Variants in CNTNAP2 observed in about 807,000 individuals in gnomAD.
CNTNAP2 encodes contactin associated protein 2, also known as contactin-associated protein-like 2.
A neutral mutation model predicts 155.2 loss-of-function variants in CNTNAP2; 98 were observed. The observed-to-expected ratio is 0.63, with a 90% CI of 0.54 to 0.75. CNTNAP2 has a LOEUF of 0.75. CNTNAP2 is among the 30% of genes least tolerant of loss of function. The pLI, the probability that CNTNAP2 is intolerant of heterozygous loss-of-function variation, is 0.00. For missense variants in CNTNAP2, 1,727 were observed against 1,688.1 expected (o/e 1.02, Z -0.40); for synonymous variants, 651 against 631.2 (o/e 1.03, Z -0.47).
chr7:146,826,944 A>G lies in CNTNAP2; in HGVS notation c.209-12767A>G, dbSNP rs887112717. 5.3e-5 allele frequency among the ~76,000 whole-genome samples: 8 copies of G among 151,682 alleles called. No homozygotes were observed. The South Asian group carries it at 1.2e-3, about 24-fold the overall frequency. On this transcript the variant is annotated intron_variant, in intron 2 of 23. Coordinates refer to ENST00000361727, the MANE Select transcript of CNTNAP2 (RefSeq NM_014141.6). ...GAATAAAATCTAGAATAAATACAGTAACTGCTCTGGAGAAGTCTAATTCTG... is the reference window on the plus strand; with the variant it reads ...GAATAAAATCTAGAATAAATACAGTGACTGCTCTGGAGAAGTCTAATTCTG...
intron 8 of CNTNAP2, 62 bp downstream of exon 8, chr7:147,132,571 G>A: frequency 1.2e-6 from 2 of 1,606,348 alleles, no homozygotes; most frequent in Non-Finnish European, 1.7e-6. Flanking sequence ...AGTTAATGTT[G>A]TGCTTTGTTT....
chr7:147,079,610 A>T (rs934671658), intron 4 of CNTNAP2, among the ~76,000 whole-genome samples: 3 of 143,744 alleles, frequency 2.1e-5, no homozygotes, highest in Non-Finnish European at 4.7e-5. Flanking sequence ...TAATAATGAT[A>T]ATAATAATAA....
At chr7:147,661,764 G>T (rs1795614164) in intron 13 of CNTNAP2, among the ~76,000 whole-genome samples, 1 of 152,020 alleles carries the variant, frequency 6.6e-6, no homozygotes, top group Non-Finnish European at 1.5e-5. Flanking sequence ...TGTTGGTCAG[G>T]CTGTTCTTGA....
intron 10 of CNTNAP2, among the ~76,000 whole-genome samples, chr7:147,441,675 C>G (rs756426173): frequency 5.3e-5 from 8 of 152,178 alleles, no homozygotes; most frequent in Middle Eastern, 3.4e-3. Flanking sequence ...AGGGAGCACC[C>G]CAGTAACACT....
intron 10 of CNTNAP2, among the ~76,000 whole-genome samples, chr7:147,461,764 C>T (rs1798029789): frequency 6.6e-6 from 1 of 151,942 alleles, no homozygotes; most frequent in Non-Finnish European, 1.5e-5. Context: ...TTATAATATG[C>T]ATATCTATCA....
intron 16 of CNTNAP2, among the ~76,000 whole-genome samples, chr7:148,123,346 AG>A (rs1308361439): frequency 6.6e-6 from 1 of 152,210 alleles, no homozygotes; most frequent in East Asian, 1.9e-4. Context: ...CCAGCACTTT[AG>A]GAGGCTGAAG....
intron 9 of CNTNAP2, among the ~76,000 whole-genome samples, chr7:147,392,336 AT>A (rs1796734078): frequency 6.6e-6 from 1 of 150,546 alleles, no homozygotes; most frequent in Non-Finnish European, 1.5e-5. Flanking sequence ...GTACTAAAGT[AT>A]TTTATTCTAT....
chr7:146,392,676 T>G (rs2129106816), intron 1 of CNTNAP2, among the ~76,000 whole-genome samples: 1 of 152,318 alleles, frequency 6.6e-6, no homozygotes, highest in Admixed American at 6.5e-5. Context: ...GAATATATTT[T>G]TTCTTCTGCT....
At chr7:148,008,721 G>A (rs1376224805) in intron 15 of CNTNAP2, among the ~76,000 whole-genome samples, 1 of 152,132 alleles carries the variant, frequency 6.6e-6, no homozygotes, top group Admixed American at 6.5e-5. Flanking sequence ...AGTTCCTCTG[G>A]CTACAAATCT....
intron 9 of CNTNAP2, among the ~76,000 whole-genome samples, chr7:147,363,133 GGAAATTAGATTCAGAT>G (rs956677671): frequency 1.0e-3 from 159 of 152,234 alleles, no homozygotes; most frequent in African/African-American, 3.6e-3. Context: ...ACCTTTGGAA[GGAAATTAGATTCAGAT>G]GATATCATGA....
At chr7:147,288,718 CT>C (rs1334966723) in intron 8 of CNTNAP2, among the ~76,000 whole-genome samples, 1 of 152,132 alleles carries the variant, frequency 6.6e-6, no homozygotes, top group South Asian at 2.1e-4. Context: ...CTCTGTTATA[CT>C]TTTTTGGGTT....
chr7:146,629,994 C>CTT lies in CNTNAP2; in HGVS notation c.98-144268_98-144267dup, dbSNP rs112133412. On this transcript the variant is annotated intron_variant, in intron 1 of 23. Coordinates refer to ENST00000361727, the MANE Select transcript of CNTNAP2 (RefSeq NM_014141.6). ...CATATAATGCATAGAATATGGTGTT[C>CTT]TTTTTTTTTTAAGTTCTGGGGTACA... Among the ~76,000 whole-genome samples the CTT allele has an allele frequency of 2.7e-5, 4 of 148,774 alleles. No individual in the cohort carries two copies. The South Asian group carries it at 6.5e-4, about 24-fold the overall frequency.
intron 1 of CNTNAP2, among the ~76,000 whole-genome samples, chr7:146,575,263 T>C (rs1213659030): frequency 6.6e-6 from 1 of 152,048 alleles, no homozygotes; most frequent in Non-Finnish European, 1.5e-5. Flanking sequence ...ATTACAGGCG[T>C]GCACCACCAC....
chr7:146,366,789 C>CT (rs35333238), intron 1 of CNTNAP2, among the ~76,000 whole-genome samples: 2 of 152,054 alleles, frequency 1.3e-5, no homozygotes, highest in African/African-American at 2.4e-5. Flanking sequence ...AAGATACACC[C>CT]TTTTTTTCTG....
rs797018611 is a variant in CNTNAP2, at chr7:147,490,222, CTCTTT to C, written c.1777+4183_1777+4187del. ...AATAAACTAGATGACCTATATAATT[CTCTTT>C]TAATTTTAAAATCACGAGATTTAAA... On this transcript the variant is annotated intron_variant, in intron 11 of 23. Transcript: ENST00000361727. 2.0e-4 allele frequency among the ~76,000 whole-genome samples: 30 copies of C among 152,244 alleles called. 2 individuals carry two copies. Among genetic ancestry groups the C allele is most frequent in the African/African-American group, 7.2e-4 (30 of 41,542 alleles).
chr7:146,646,762 A>G (rs1037185992), intron 1 of CNTNAP2, among the ~76,000 whole-genome samples: 2 of 152,134 alleles, frequency 1.3e-5, no homozygotes. Flanking sequence ...AAGATATTTA[A>G]CCTGTTCATG....
chr7:148,166,004 T>C (rs986693445), intron 17 of CNTNAP2, among the ~76,000 whole-genome samples: 2 of 152,054 alleles, frequency 1.3e-5, no homozygotes, highest in East Asian at 1.9e-4. Context: ...ACCTTTTTCC[T>C]GAAGCCCTCT....
At chr7:148,250,928 A>G (rs909624275) in intron 20 of CNTNAP2, among the ~76,000 whole-genome samples, 7 of 152,110 alleles carry the variant, frequency 4.6e-5, no homozygotes, top group Non-Finnish European at 1.0e-4. Context: ...GCTCACTGCA[A>G]TCTTGAACTC....
At chr7:146,832,607 T>G (rs1289777540) in intron 2 of CNTNAP2, among the ~76,000 whole-genome samples, 1 of 148,084 alleles carries the variant, frequency 6.8e-6, no homozygotes, top group Non-Finnish European at 1.5e-5. Flanking sequence ...ATTTATTATA[T>G]ATTATATTTT....
Sources: gnomAD v4.1 joint callset for allele counts (sites outside exome capture counted in the v4.1 genomes callset) on GRCh38, gnomAD v4.1.1 for gene constraint, MANE v1.5 for transcripts, NCBI Gene and HGNC (gene_info 2026-07-23, HGNC 2026-07-21) for gene names.